SHISA9: variants seen among roughly 807,000 people sequenced by gnomAD.
The protein encoded by SHISA9 is shisa family member 9.
A neutral mutation model predicts 38.0 loss-of-function variants in SHISA9; 13 were observed. The observed-to-expected ratio is 0.34, with a 90% CI of 0.22 to 0.54. SHISA9 has a LOEUF of 0.54. Among genes scored for constraint, SHISA9 ranks in the 20% least tolerant of loss-of-function variants. The pLI is 0.91. For synonymous variants in SHISA9, 275 were observed against 242.0 expected, an observed-to-expected ratio of 1.14 and a Z score of -1.27; for missense variants, 538 against 575.8, an observed-to-expected ratio of 0.93 and a Z score of 0.67.
chr16:13,295,498 C>T, the SHISA9 span, among the ~76,000 whole-genome samples: 1 of 152,174 alleles, frequency 6.6e-6, no homozygotes, highest in Non-Finnish European at 1.5e-5. Context: ...CCCAGGGTAT[C>T]AGGTAGGCAC....
the SHISA9 span, among the ~76,000 whole-genome samples, chr16:13,450,042 G>A: frequency 1.3e-5 from 2 of 152,210 alleles, no homozygotes; most frequent in East Asian, 3.9e-4. Flanking sequence ...GCTTGAACCT[G>A]GGAGGTGGAG....
At chr16:13,187,401 C>G (rs997675233) in intron 2 of SHISA9, among the ~76,000 whole-genome samples, 1 of 139,094 alleles carries the variant, frequency 7.2e-6, no homozygotes, top group Non-Finnish European at 1.5e-5. Context: ...GTGGCACAAT[C>G]TCAGCTCACT....
At chr16:13,310,366 A>G in the SHISA9 span, among the ~76,000 whole-genome samples, 1 of 152,190 alleles carries the variant, frequency 6.6e-6, no homozygotes, top group African/African-American at 2.4e-5. Context: ...TTTAGTGAAC[A>G]TCCAGATATT....
chr16:13,255,929 A>G, the SHISA9 span, among the ~76,000 whole-genome samples: 169 of 152,336 alleles, frequency 1.1e-3, no homozygotes, highest in African/African-American at 3.8e-3. Flanking sequence ...ACTTAAATTT[A>G]TGCTTAAATC....
the SHISA9 span, among the ~76,000 whole-genome samples, chr16:13,512,595 C>G: frequency 2.0e-5 from 3 of 151,966 alleles, no homozygotes; most frequent in Non-Finnish European, 4.4e-5. Context: ...ATCATGCTAC[C>G]TGACTTCAAA....
At chr16:12,924,220 G>A (rs2071366058) in intron 2 of SHISA9, among the ~76,000 whole-genome samples, 1 of 152,146 alleles carries the variant, frequency 6.6e-6, no homozygotes, top group Admixed American at 6.5e-5. Context: ...TGCATGAGGA[G>A]GGAAAGGCGA....
At chr16:13,068,855 C>T (rs997420651) in intron 2 of SHISA9, among the ~76,000 whole-genome samples, 4 of 149,174 alleles carry the variant, frequency 2.7e-5, no homozygotes, top group African/African-American at 1.0e-4. Context: ...TATATATATG[C>T]ATACATGCAA....
intron 4 of SHISA9, among the ~76,000 whole-genome samples, chr16:13,218,405 A>G (rs961671789): frequency 6.6e-6 from 1 of 152,200 alleles, no homozygotes; most frequent in African/African-American, 2.4e-5. Flanking sequence ...TTTGCGACAC[A>G]GCATCCGTTT....
the SHISA9 span, among the ~76,000 whole-genome samples, chr16:13,319,817 AC>A: frequency 1.3e-5 from 2 of 151,326 alleles, no homozygotes; most frequent in Admixed American, 1.3e-4. Context: ...AAAAAAAAAA[AC>A]AAGGCCAAGG....
chr16:13,481,261 C>T, the SHISA9 span, among the ~76,000 whole-genome samples: 3 of 152,312 alleles, frequency 2.0e-5, no homozygotes, highest in South Asian at 6.2e-4. Context: ...TCATGACATT[C>T]TTGCATTTTT....
intron 2 of SHISA9, among the ~76,000 whole-genome samples, chr16:13,057,583 C>G (rs183725792): frequency 3.9e-5 from 6 of 152,016 alleles, no homozygotes; most frequent in African/African-American, 1.4e-4. Context: ...AATACACTCC[C>G]GAAGGGATCT....
At chr16:13,081,937 C>T (rs950644215) in intron 2 of SHISA9, among the ~76,000 whole-genome samples, 4 of 151,644 alleles carry the variant, frequency 2.6e-5, no homozygotes, top group African/African-American at 9.7e-5. Flanking sequence ...GGTGGTGTGG[C>T]ACAATTTACT....
chr16:13,167,923 C>A (rs1297274424), intron 2 of SHISA9, among the ~76,000 whole-genome samples: 1 of 152,128 alleles, frequency 6.6e-6, no homozygotes, highest in Non-Finnish European at 1.5e-5. Context: ...CTGTGTTGTT[C>A]TATGTGTTTC....
At chr16:13,121,832 T>TACACACACACACAC (rs55727441) in intron 2 of SHISA9, among the ~76,000 whole-genome samples, 16 of 134,900 alleles carry the variant, frequency 1.2e-4, no homozygotes, top group East Asian at 2.3e-4. Flanking sequence ...TATACACACA[T>TACACACACACACAC]ACACACACAC....
At chr16:13,378,388 T>C in the SHISA9 span, among the ~76,000 whole-genome samples, 1 of 152,200 alleles carries the variant, frequency 6.6e-6, no homozygotes, top group South Asian at 2.1e-4. Flanking sequence ...CAAGCAGCCC[T>C]GGCATTACTA....
the SHISA9 span, among the ~76,000 whole-genome samples, chr16:13,325,599 G>A: frequency 5.3e-5 from 8 of 152,284 alleles, no homozygotes; most frequent in South Asian, 4.1e-4. Context: ...ACAATCTGCC[G>A]TCTGCAGGAG....
At chr16:13,317,108 T>C in the SHISA9 span, among the ~76,000 whole-genome samples, 1 of 152,296 alleles carries the variant, frequency 6.6e-6, no homozygotes, top group East Asian at 1.9e-4. Context: ...CCTCCTTGAA[T>C]CTTTTCAAAA....
the SHISA9 span, among the ~76,000 whole-genome samples, chr16:13,366,680 A>AAAAAT: frequency 0.042 from 6,352 of 151,782 alleles, 278 homozygotes; most frequent in African/African-American, 0.11. Flanking sequence ...CTGTCTCTAC[A>AAAAAT]AAAATAAAAT....
chr16:12,928,868 A>G (rs534696822), intron 2 of SHISA9, among the ~76,000 whole-genome samples: 1 of 152,360 alleles, frequency 6.6e-6, no homozygotes, highest in African/African-American at 2.4e-5. Flanking sequence ...AATAACTGAC[A>G]AAGACGTTGC....
Sources: allele counts gnomAD v4.1 joint callset (sites outside exome capture counted in the v4.1 genomes callset), GRCh38; gene constraint gnomAD v4.1.1; transcripts MANE v1.5; gene names NCBI Gene and HGNC (gene_info 2026-07-23, HGNC 2026-07-21).